UQCRB: variants seen among roughly 807,000 people sequenced by gnomAD.
UQCRB encodes cytochrome b-c1 complex subunit 7.
UQCRB carries 12 observed loss-of-function variants against 19.8 expected under a neutral mutation model. That is an observed-to-expected ratio of 0.61 (90% CI 0.39 to 0.98). The LOEUF is 0.98. Among genes scored for constraint, UQCRB ranks in the 50% least tolerant of loss-of-function variants. UQCRB has a pLI of 0.00. For synonymous variants in UQCRB, 39 were observed against 42.9 expected (o/e 0.91, Z 0.35); for missense variants, 142 against 131.8 (o/e 1.08, Z -0.38).
Position 96,223,439 on chromosome 8 carries a change from A to T in UQCRB, c.*7616T>A, listed in dbSNP as rs2129762002. The stretch of plus-strand genomic sequence containing the variant: ...GGATAATTGTGCTCACCTTGGAAAA[A>T]TTTTCAAGGAATAAATGAAACCTGA... On this transcript the variant is annotated 3_prime_UTR_variant, in exon 4 of 4. Coordinates refer to ENST00000287022, the MANE Select transcript of UQCRB (RefSeq NM_006294.5). Among the ~76,000 whole-genome samples, 1 of 152,340 alleles carries T rather than the reference A, an allele frequency of 6.6e-6. No individual in the cohort carries two copies. The highest frequency in any genetic ancestry group is 6.5e-5 in the Admixed American group (1 of 15,308).
In UQCRB at chr8:96,226,955, A is replaced by G. The variant is rs544865697; in HGVS notation, c.*4100T>C. ...ATACAATAAAATTTCTTAGCAAAATATAACTTAGAGGCACTATCCGACCTG... is the reference window on the plus strand; with the variant it reads ...ATACAATAAAATTTCTTAGCAAAATGTAACTTAGAGGCACTATCCGACCTG... On this transcript the variant is annotated 3_prime_UTR_variant, in exon 4 of 4. Coordinates refer to ENST00000287022, the MANE Select transcript of UQCRB (RefSeq NM_006294.5). The G allele has an allele frequency of 2.0e-5, 9 of 454,062 alleles. No individual in the cohort carries two copies. The highest frequency in any genetic ancestry group is 6.9e-4 in the Middle Eastern group (1 of 1,444). The allele number at this position is 454,062 out of a possible 1,614,324, so 28.1% of individuals were successfully genotyped here.
rs1324499661 is a variant in UQCRB, at chr8:96,225,568, C to G, written c.*5487G>C. Reference sequence around the variant, plus strand: ...GTCTCTCCAGCTGATATTTGCCACTCCATCAGTGCAAAACTGCCTGTCCTT... The same window carrying G: ...GTCTCTCCAGCTGATATTTGCCACTGCATCAGTGCAAAACTGCCTGTCCTT... On this transcript the variant is annotated 3_prime_UTR_variant, in exon 4 of 4. Coordinates refer to ENST00000287022, the MANE Select transcript of UQCRB (RefSeq NM_006294.5). Among the ~76,000 whole-genome samples, 1 of 151,988 alleles carries G rather than the reference C, an allele frequency of 6.6e-6. No homozygotes were observed. The highest frequency in any genetic ancestry group is 1.5e-5 in the Non-Finnish European group (1 of 68,006).
In UQCRB at chr8:96,223,309, C is replaced by A. The variant is rs568482172; in HGVS notation, c.*7746G>T. Among the ~76,000 whole-genome samples the A allele has an allele frequency of 1.3e-5, 2 of 152,176 alleles. No individual in the cohort carries two copies. The highest frequency in any genetic ancestry group is 2.4e-5 in the African/African-American group (1 of 41,524). On this transcript the variant is annotated 3_prime_UTR_variant, in exon 4 of 4. Transcript: ENST00000287022. ...TACACCTTAAATAAAAAAGAAAAGA[C>A]AACATAGCAATTTCAAGGAAGACAG...
rs1204883970 is a variant in UQCRB at position 96,223,796 on chromosome 8, C to A, written c.*7259G>T. ...ACACAATGTTTTCAGAATGGACAAA[C>A]CTTCTGTTTTCTATCATATGGCATC... On this transcript the variant is annotated 3_prime_UTR_variant, in exon 4 of 4. Coordinates refer to ENST00000287022, the MANE Select transcript of UQCRB (RefSeq NM_006294.5). Among the ~76,000 whole-genome samples, 3 of 152,138 alleles carry A rather than the reference C, an allele frequency of 2.0e-5. No homozygotes were observed. The highest frequency in any genetic ancestry group is 4.4e-5 in the Non-Finnish European group (3 of 68,022).
At chr8:96,231,423 A>G in intron 3 of UQCRB, 3 of 1,536,452 alleles carry the variant, frequency 2.0e-6, no homozygotes, top group Non-Finnish European at 2.6e-6. Flanking sequence ...AGTTTGCTTC[A>G]CAGAAGCTCT....
Position 96,228,780 on chromosome 8 carries a change from C to T in UQCRB, c.*2275G>A. The T allele has an allele frequency of 2.2e-6, 1 of 454,052 alleles. No homozygotes were observed. 28.1% of individuals were successfully genotyped at this position (454,052 alleles called of 1,614,324 possible). A position where few individuals can be genotyped will look rare whatever the true frequency, so the allele number is the denominator to read the frequency against. ...ACACAGTGAGCAAATAGATTCAGAC[C>T]TGTGCAGTCTAACCCAGAATTAGCT... On this transcript the variant is annotated 3_prime_UTR_variant, in exon 4 of 4. Coordinates refer to ENST00000287022, the MANE Select transcript of UQCRB (RefSeq NM_006294.5).
At position 96,224,365 on chromosome 8, in the gene UQCRB, T is replaced by G. The variant is rs1194211425; in HGVS notation, c.*6690A>C. ...AATAAATATCTCTGTCTCTCTCATC[T>G]GCCCTCTCTTGCAGGTGGCCACCCT... is the stretch of plus-strand genomic sequence containing the variant. On this transcript the variant is annotated 3_prime_UTR_variant, in exon 4 of 4. Transcript: ENST00000287022. Among the ~76,000 whole-genome samples the G allele has an allele frequency of 6.6e-6, 1 of 152,176 alleles. No homozygotes were observed. The highest frequency in any genetic ancestry group is 2.4e-5 in the African/African-American group (1 of 41,444).
In UQCRB at chr8:96,231,033, T is replaced by A. The variant is rs764307858; in HGVS notation, c.*22A>T. Reference sequence around the variant, plus strand: ...TTTAACCATCTTCATAACAGCTGCATCCACAGACTTCAACTACATGATTAC... The same window carrying A: ...TTTAACCATCTTCATAACAGCTGCAACCACAGACTTCAACTACATGATTAC... On this transcript the variant is annotated 3_prime_UTR_variant, in exon 4 of 4. Coordinates refer to ENST00000287022, the MANE Select transcript of UQCRB (RefSeq NM_006294.5). 1.9e-6 allele frequency: 3 copies of A among 1,606,080 alleles called. No homozygotes were observed. The highest frequency in any genetic ancestry group is 1.3e-5 in the African/African-American group (1 of 74,884).
chr8:96,233,017 ATCT>A (rs1297958508), intron 2 of UQCRB, 136 bp downstream of exon 2: 1 of 732,412 alleles, frequency 1.4e-6, no homozygotes, highest in Non-Finnish European at 2.3e-6. Context: ...TAATTTTAAA[ATCT>A]TCTGATGTAT....
At position 96,233,198 on chromosome 8, in the gene UQCRB, T is replaced by C. The variant is rs1809717112; in HGVS notation, c.49A>G (p.Ile17Val). Residue 17 changes from isoleucine to valine, a missense_variant, in exon 2 of 4, where the codon ATT (isoleucine) becomes GTT (valine). Ile to Val is a conservative substitution (Grantham distance 29). Transcript: ENST00000287022. Reference sequence around the variant, plus strand: ...GCAGCATTGTAATACCATTTTCGAATACCATCCAGCCACTTGCCTGATGCT... The same window carrying C: ...GCAGCATTGTAATACCATTTTCGAACACCATCCAGCCACTTGCCTGATGCT... ...VSASGKWLDG[I>V]RKWYYNAAGF... The C allele has an allele frequency of 1.2e-6, 2 of 1,611,644 alleles. No individual in the cohort carries two copies. The highest frequency in any genetic ancestry group is 1.7e-6 in the Non-Finnish European group (2 of 1,178,070).
chr8:96,224,854 T>C lies in UQCRB; in HGVS notation c.*6201A>G, dbSNP rs1809500574. Among the ~76,000 whole-genome samples, 2 of 152,200 alleles carry C rather than the reference T, an allele frequency of 1.3e-5. No homozygotes were observed. The highest frequency in any genetic ancestry group is 4.1e-4 in the South Asian group (2 of 4,834). ...AGTAAAGAGAGGACTTCTCAAAGCA[T>C]GACCTCAGAGGCAAAACCACAGAGG... On this transcript the variant is annotated 3_prime_UTR_variant, in exon 4 of 4. Transcript: ENST00000287022.
intron 2 of UQCRB, chr8:96,232,154 TGATATAATGGG>T: frequency 1.7e-6 from 1 of 572,266 alleles, no homozygotes; most frequent in Non-Finnish European, 3.1e-6. Flanking sequence ...AGTTATTACT[TGATATAATGGG>T]TTACTTCTTG....
intron 1 of UQCRB, chr8:96,234,211 G>A (rs1357791167): frequency 9.9e-6 from 2 of 203,034 alleles, no homozygotes. Flanking sequence ...TGGAAATTAA[G>A]AGTCATGTAT....
At position 96,226,618 on chromosome 8, in the gene UQCRB, T is replaced by C. The variant is rs1809530632; in HGVS notation, c.*4437A>G. On this transcript the variant is annotated 3_prime_UTR_variant, in exon 4 of 4. Transcript: ENST00000287022. Reference sequence around the variant, plus strand: ...GGCTTGTGAATACAATTGTCACAGATATGTATACAATTTTCTTAAAATATT... The same window carrying C: ...GGCTTGTGAATACAATTGTCACAGACATGTATACAATTTTCTTAAAATATT... The C allele has an allele frequency of 7.2e-6, 2 of 279,616 alleles. No homozygotes were observed. The highest frequency in any genetic ancestry group is 1.4e-5 in the Non-Finnish European group (2 of 143,388). 17.3% of individuals were successfully genotyped at this position (279,616 alleles called of 1,614,324 possible). A position where few individuals can be genotyped will look rare whatever the true frequency, so the allele number is the denominator to read the frequency against.
Position 96,229,781 on chromosome 8 carries a change from G to A in UQCRB, c.*1274C>T. On this transcript the variant is annotated 3_prime_UTR_variant, in exon 4 of 4. Transcript: ENST00000287022. ...CCAGCGAAAGGAAAAAAAAAAGCGGGGGAGGGGGTTCCTAGAGAATTTAAG... is the reference window on the plus strand; with the variant it reads ...CCAGCGAAAGGAAAAAAAAAAGCGGAGGAGGGGGTTCCTAGAGAATTTAAG... 1 of 453,798 alleles carries A rather than the reference G, an allele frequency of 2.2e-6. No homozygotes were observed. Among genetic ancestry groups the A allele is most frequent in the Non-Finnish European group, 4.4e-6 (1 of 226,726 alleles). The allele number at this position is 453,798 out of a possible 1,614,324, so 28.1% of individuals were successfully genotyped here. A position where few individuals can be genotyped will look rare whatever the true frequency, so the allele number is the denominator to read the frequency against.
At chr8:96,231,990 T>C in intron 2 of UQCRB, 50 bp from the exon 3 acceptor site, 1 of 1,577,932 alleles carries the variant, frequency 6.3e-7, no homozygotes, top group Non-Finnish European at 8.7e-7. Context: ...AAAATCGCGG[T>C]TTTTTTAAAT....
intron 2 of UQCRB, 65 bp downstream of exon 2, chr8:96,233,091 A>T: frequency 6.5e-7 from 1 of 1,543,358 alleles, no homozygotes; most frequent in South Asian, 1.1e-5. Context: ...ACTCTCAGAA[A>T]AACAAAAAAA....
Position 96,230,484 on chromosome 8 carries a change from T to G in UQCRB, c.*571A>C, listed in dbSNP as rs766845819. On this transcript the variant is annotated 3_prime_UTR_variant, in exon 4 of 4. Transcript: ENST00000287022. ...AACAATCATTTCCAAAGTGGAAAAG[T>G]CACTGGGATATGGGGACAGTATGAT... 1 of 454,118 alleles carries G rather than the reference T, an allele frequency of 2.2e-6. No individual in the cohort carries two copies. Among genetic ancestry groups the G allele is most frequent in the South Asian group, 1.6e-5 (1 of 64,450 alleles). 28.1% of individuals were successfully genotyped at this position (454,118 alleles called of 1,614,324 possible). A position where few individuals can be genotyped will look rare whatever the true frequency, so the allele number is the denominator to read the frequency against.
Position 96,223,166 on chromosome 8 carries a change from G to C in UQCRB, c.*7889C>G, listed in dbSNP as rs1809474257. Among the ~76,000 whole-genome samples, 2 of 152,166 alleles carry C rather than the reference G, an allele frequency of 1.3e-5. No homozygotes were observed. Among genetic ancestry groups the C allele is most frequent in the African/African-American group, 4.8e-5 (2 of 41,438 alleles). On this transcript the variant is annotated 3_prime_UTR_variant, in exon 4 of 4. Coordinates refer to ENST00000287022, the MANE Select transcript of UQCRB (RefSeq NM_006294.5). ...ACACTAAAAATTTGCTGAAAGTGTA[G>C]ATTTTAGGTGCTCACCAGACACACA...
Sources: gnomAD v4.1 joint callset for allele counts (sites outside exome capture counted in the v4.1 genomes callset) on GRCh38, gnomAD v4.1.1 for gene constraint, MANE v1.5 for transcripts, NCBI Gene and HGNC (gene_info 2026-07-23, HGNC 2026-07-21) for gene names.